Variants in KDM7A observed in about 807,000 individuals in gnomAD.
KDM7A encodes lysine-specific demethylase 7A.
Under a neutral mutation model 114.8 loss-of-function variants are expected in KDM7A, and 28 were observed. The observed-to-expected ratio is 0.24, with a 90% CI of 0.18 to 0.33. The LOEUF is 0.33. Among genes scored for constraint, KDM7A ranks in the 10% least tolerant of loss-of-function variants. The pLI is 1.00. For synonymous variants in KDM7A, 423 were observed against 397.8 expected (o/e 1.06, Z -0.75); for missense variants, 942 against 1,142.5 (o/e 0.82, Z 2.53).
intron 10 of KDM7A, among the ~76,000 whole-genome samples, chr7:140,113,190 A>G (rs1201295004): frequency 6.6e-6 from 1 of 152,238 alleles, no homozygotes; most frequent in East Asian, 1.9e-4. Flanking sequence ...CTCTCAGCAC[A>G]CTATAGCACA....
intron 15 of KDM7A, 144 bp from the exon 16 acceptor site, chr7:140,097,191 T>A (rs1818129272): frequency 1.5e-6 from 1 of 653,934 alleles, no homozygotes. Context: ...ATGAAAAAAA[T>A]GATAATCTCT....
chr7:140,136,379 T>C (rs929575488), intron 2 of KDM7A, among the ~76,000 whole-genome samples: 1 of 152,238 alleles, frequency 6.6e-6, no homozygotes, highest in South Asian at 2.1e-4. Context: ...AATTGTCCTG[T>C]TGGGCCAACA....
At chr7:140,166,473 G>T (rs1048232954) in intron 1 of KDM7A, among the ~76,000 whole-genome samples, 4 of 151,304 alleles carry the variant, frequency 2.6e-5, no homozygotes, top group African/African-American at 7.3e-5. Flanking sequence ...CCAAGTAGCT[G>T]GGAATACAGG....
At chr7:140,154,488 T>A (rs1387914991) in intron 1 of KDM7A, among the ~76,000 whole-genome samples, 2 of 137,956 alleles carry the variant, frequency 1.4e-5, no homozygotes, top group Non-Finnish European at 3.1e-5. Context: ...TAAGACTCTG[T>A]CTCTTAAAAT....
Position 140,133,521 on chromosome 7 carries a change from C to G in KDM7A, c.398+18G>C, listed in dbSNP as rs1451185223. ...CTTACATTCTTACATTTTCTTTTAT[C>G]AGAGTAAGTTTCCATACCTTGGGAA... is the stretch of plus-strand genomic sequence containing the variant. On this transcript the variant is annotated intron_variant, in intron 3 of 19. Transcript: ENST00000397560. The G allele has an allele frequency of 3.8e-6, 5 of 1,318,404 alleles. No individual in the cohort carries two copies. The highest frequency in any genetic ancestry group is 5.4e-6 in the Non-Finnish European group (5 of 918,416). 81.7% of individuals were successfully genotyped at this position (1,318,404 alleles called of 1,614,324 possible).
intron 12 of KDM7A, among the ~76,000 whole-genome samples, chr7:140,100,665 T>TATATATATATATACACAC (rs1562945826): frequency 1.5e-4 from 6 of 40,660 alleles, no homozygotes; most frequent in Admixed American, 3.3e-4. Flanking sequence ...AAAAGTTATA[T>TATATATATATATACACAC]ATATATATAT....
intron 1 of KDM7A, among the ~76,000 whole-genome samples, chr7:140,141,125 T>C (rs1794268026): frequency 1.3e-5 from 2 of 152,124 alleles, no homozygotes; most frequent in African/African-American, 4.8e-5. Flanking sequence ...GTATAAAATA[T>C]TATTGAGAGA....
Position 140,089,787 on chromosome 7 carries a change from T to C in KDM7A, c.*1307A>G, listed in dbSNP as rs75153252. 5 of 152,312 alleles carry C rather than the reference T, an allele frequency of 3.3e-5. No homozygotes were observed. Among genetic ancestry groups the C allele is most frequent in the Admixed American group, 1.3e-4 (2 of 15,302 alleles). The allele number at this position is 152,312 out of a possible 1,614,324, so 9.4% of individuals were successfully genotyped here. A position where few individuals can be genotyped will look rare whatever the true frequency, so the allele number is the denominator to read the frequency against. ...TCAATATGTACTGGTCAGGTTAGGA[T>C]AGATGGAAGAAACTGCCAAAAGCAC... On this transcript the variant is annotated 3_prime_UTR_variant, in exon 20 of 20. Coordinates refer to ENST00000397560, the MANE Select transcript of KDM7A (RefSeq NM_030647.2).
rs1817966256 is a variant in KDM7A at position 140,088,270 on chromosome 7, T to C, written c.*2824A>G. On this transcript the variant is annotated 3_prime_UTR_variant, in exon 20 of 20. Transcript: ENST00000397560. Reference sequence around the variant, plus strand: ...AACTTTATATTGTTTACATCACTCATCAATATTGAAAAGCATAATATTATG... The same window carrying C: ...AACTTTATATTGTTTACATCACTCACCAATATTGAAAAGCATAATATTATG... The C allele has an allele frequency of 5.5e-6, 2 of 365,796 alleles. No individual in the cohort carries two copies. Among genetic ancestry groups the C allele is most frequent in the Non-Finnish European group, 9.7e-6 (2 of 205,548 alleles). The allele number at this position is 365,796 out of a possible 1,614,324, so 22.7% of individuals were successfully genotyped here.
intron 14 of KDM7A, among the ~76,000 whole-genome samples, chr7:140,098,591 T>A (rs1052636557): frequency 2.0e-4 from 30 of 152,226 alleles, no homozygotes; most frequent in Admixed American, 3.9e-4. Context: ...TAGAGGCCTA[T>A]AACATGCATG....
At chr7:140,173,257 A>G (rs1405969579) in intron 1 of KDM7A, among the ~76,000 whole-genome samples, 1 of 152,096 alleles carries the variant, frequency 6.6e-6, no homozygotes, top group Non-Finnish European at 1.5e-5. Context: ...CATTGCCCCT[A>G]GAGTTCAATT....
rs144371411 is a variant in KDM7A, at chr7:140,163,990, T to C, written c.194+12754A>G. ...ATTCTGCAACTGCCATGAATGGATA[T>C]TGGCATTGATCAATGGCAGCCAGCA... On this transcript the variant is annotated intron_variant, in intron 1 of 19. Transcript: ENST00000397560. Among the ~76,000 whole-genome samples the C allele has an allele frequency of 6.4e-3, 971 of 152,310 alleles. 5 individuals carry two copies. Among genetic ancestry groups the C allele is most frequent in the African/African-American group, 0.022 (895 of 41,570 alleles).
At chr7:140,118,279 T>C (rs1325563931) in intron 9 of KDM7A, among the ~76,000 whole-genome samples, 4 of 152,202 alleles carry the variant, frequency 2.6e-5, no homozygotes, top group Non-Finnish European at 5.9e-5. Context: ...AGTCTCCAAC[T>C]TGAGTGCTCA....
intron 18 of KDM7A, among the ~76,000 whole-genome samples, chr7:140,092,306 T>C (rs567306845): frequency 6.6e-6 from 1 of 151,812 alleles, no homozygotes; most frequent in Non-Finnish European, 1.5e-5. Flanking sequence ...AAAGAGAGAG[T>C]GAGAGAAAAC....
Position 140,100,983 on chromosome 7 carries a change from C to T in KDM7A, c.1639-960G>A, listed in dbSNP as rs188124473. ...CACCGTGGTCTCGATCTCCTGACCT[C>T]GTGATCCACCCGCCTCGGCCTCCCA... On this transcript the variant is annotated intron_variant, in intron 12 of 19. Coordinates refer to ENST00000397560, the MANE Select transcript of KDM7A (RefSeq NM_030647.2). Among the ~76,000 whole-genome samples, 484 of 150,904 alleles carry T rather than the reference C, an allele frequency of 3.2e-3. 4 individuals are homozygous for T. Among genetic ancestry groups the T allele is most frequent in the African/African-American group, 0.011 (442 of 41,200 alleles).
At chr7:140,096,148 G>T (rs1367190493) in intron 17 of KDM7A, among the ~76,000 whole-genome samples, 1 of 152,066 alleles carries the variant, frequency 6.6e-6, no homozygotes, top group Non-Finnish European at 1.5e-5. Context: ...TCAAGTAGGA[G>T]AAGGAATAGC....
chr7:140,176,704 C>T lies in KDM7A; in HGVS notation c.194+40G>A. 8.4e-7 allele frequency: 1 copy of T among 1,184,596 alleles called. No individual in the cohort carries two copies. Among genetic ancestry groups the T allele is most frequent in the Non-Finnish European group, 1.1e-6 (1 of 937,004 alleles). 73.4% of individuals were successfully genotyped at this position (1,184,596 alleles called of 1,614,324 possible). A position where few individuals can be genotyped will look rare whatever the true frequency, so the allele number is the denominator to read the frequency against. On this transcript the variant is annotated intron_variant, in intron 1 of 19. Transcript: ENST00000397560. The surrounding 1 kb of genome is among the most constrained non-coding windows in gnomAD (Gnocchi z 4.4). ...GGCGGCGGCGGCGGTTGGTCGGTGGCCGGCGGTGGCGGCTGCGGGGCTGGA... is the reference window on the plus strand; with the variant it reads ...GGCGGCGGCGGCGGTTGGTCGGTGGTCGGCGGTGGCGGCTGCGGGGCTGGA...
chr7:140,096,965 G>T lies in KDM7A; in HGVS notation c.2099C>A (p.Ser700Tyr), dbSNP rs188271308. 2,195 of 1,613,192 alleles carry T rather than the reference G, an allele frequency of 1.4e-3. 48 individuals are homozygous for T. In the Admixed American group the frequency reaches 0.028, roughly 21 times the overall value. ...TTGAAGGAAGTTCCTCATCACATTA[G>T]ATTCCTCCTTAAAGTTGGATGTTAT... The part of the protein sequence containing the change: ...QEITSNFKEE[S>Y]NVMRNFLQKS... Residue 700 changes from serine (S) to tyrosine (Y), a missense_variant, in exon 16 of 20, where the codon TCT becomes TAT. Ser to Tyr is a moderately radical substitution (Grantham distance 144). Transcript: ENST00000397560.
At chr7:140,097,523 A>C in intron 15 of KDM7A, 22 bp downstream of exon 15, 1 of 1,294,268 alleles carries the variant, frequency 7.7e-7, no homozygotes, top group Non-Finnish European at 1.1e-6. Flanking sequence ...ATAACGTACA[A>C]GCCATGGGGT....
Sources: gnomAD v4.1 joint callset for allele counts (sites outside exome capture counted in the v4.1 genomes callset) on GRCh38, gnomAD v4.1.1 for gene constraint, Gnocchi (gnomAD v3.1) non-coding constraint, MANE v1.5 for transcripts, NCBI Gene and HGNC (gene_info 2026-07-23, HGNC 2026-07-21) for gene names.